HDAC4: variants seen among roughly 807,000 people sequenced by gnomAD.
HDAC4 encodes histone deacetylase A.
In HDAC4, 16 loss-of-function variants were observed where a neutral mutation model predicts 135.1. The observed-to-expected ratio is 0.12, with a 90% CI of 0.08 to 0.18. HDAC4 has a LOEUF of 0.18. HDAC4 is among the 10% of genes least tolerant of loss of function. HDAC4 has a pLI of 1.00. For synonymous variants in HDAC4, 685 were observed against 653.4 expected, an observed-to-expected ratio of 1.05 and a Z score of -0.74; for missense variants, 1,143 against 1,511.8, an observed-to-expected ratio of 0.76 and a Z score of 4.05.
At chr2:239,373,834 C>T (rs372317819) in intron 1 of HDAC4, among the ~76,000 whole-genome samples, 4 of 152,106 alleles carry the variant, frequency 2.6e-5, no homozygotes, top group African/African-American at 4.8e-5. Context: ...CATCTTTGTC[C>T]GCTTCTAGAG....
chr2:239,246,689 G>A (rs944650872), intron 2 of HDAC4, among the ~76,000 whole-genome samples: 1 of 152,258 alleles, frequency 6.6e-6, no homozygotes, highest in African/African-American at 2.4e-5. Flanking sequence ...GGCATGGCCA[G>A]GCTGCTTCCT....
chr2:239,371,531 C>A (rs1694616747), intron 1 of HDAC4, among the ~76,000 whole-genome samples: 1 of 152,016 alleles, frequency 6.6e-6, no homozygotes, highest in Admixed American at 6.6e-5. Context: ...TTAAACACAC[C>A]CGATCACATT....
intron 2 of HDAC4, among the ~76,000 whole-genome samples, chr2:239,278,730 T>C (rs1410882226): frequency 1.3e-5 from 2 of 152,356 alleles, no homozygotes; most frequent in East Asian, 3.9e-4. Flanking sequence ...CCGAAGGCTG[T>C]GGTTTGCTTT....
intron 2 of HDAC4, among the ~76,000 whole-genome samples, chr2:239,275,613 TGCACGGTCTGTGTGTGTGCGGGTG>T (rs2050312065): frequency 6.6e-6 from 1 of 152,114 alleles, no homozygotes; most frequent in Non-Finnish European, 1.5e-5. Flanking sequence ...CGCCCCTGCC[TGCACGGTCTGTGTGTGTGCGGGTG>T]GCACACCTGG....
intron 1 of HDAC4, among the ~76,000 whole-genome samples, chr2:239,374,050 A>G (rs995933746): frequency 2.6e-4 from 40 of 152,344 alleles, no homozygotes; most frequent in African/African-American, 9.4e-4. Context: ...CGGAAGACAC[A>G]GAGGTAATTC....
chr2:239,265,940 T>G (rs1396129625), intron 2 of HDAC4, among the ~76,000 whole-genome samples: 1 of 152,046 alleles, frequency 6.6e-6, no homozygotes, highest in Non-Finnish European at 1.5e-5. Flanking sequence ...TGGGATGAGG[T>G]GAGGCCAAAG....
intron 1 of HDAC4, among the ~76,000 whole-genome samples, chr2:239,363,358 G>A (rs1405088586): frequency 6.6e-6 from 1 of 152,140 alleles, no homozygotes; most frequent in Non-Finnish European, 1.5e-5. Flanking sequence ...ACAAGCTTGG[G>A]GGACTCACAC....
rs1033242962 is a variant in HDAC4, at chr2:239,122,380, G to A, written c.1533+4076C>T. On this transcript the variant is annotated intron_variant, in intron 12 of 26. Transcript: ENST00000543185. ...CCTGGACACACATCACCCACTGCTC[G>A]CAAACCAGACATAACTGAGGCCAAG... Among the ~76,000 whole-genome samples, 20 of 152,262 alleles carry A rather than the reference G, an allele frequency of 1.3e-4. 1 individual carries two copies. Among genetic ancestry groups the A allele is most frequent in the South Asian group, 6.2e-4 (3 of 4,826 alleles).
chr2:239,365,787 A>T (rs111631923), intron 1 of HDAC4, among the ~76,000 whole-genome samples: 1 of 150,004 alleles, frequency 6.7e-6, no homozygotes, highest in African/African-American at 2.5e-5. Context: ...GCATGCACAG[A>T]CCAGGGTCGT....
At chr2:239,058,309 CGAGAAAA>C (rs1484961402) in intron 24 of HDAC4, among the ~76,000 whole-genome samples, 3 of 151,708 alleles carry the variant, frequency 2.0e-5, no homozygotes, top group East Asian at 1.9e-4. Flanking sequence ...CAAGAGAAGG[CGAGAAAA>C]GAGAAAAAGG....
At chr2:239,112,423 A>C (rs1430580740) in intron 13 of HDAC4, among the ~76,000 whole-genome samples, 1 of 152,158 alleles carries the variant, frequency 6.6e-6, no homozygotes. Flanking sequence ...CACATCCCAC[A>C]CACCCTCGTG....
chr2:239,200,873 C>A (rs573970647), intron 3 of HDAC4, among the ~76,000 whole-genome samples: 3 of 152,036 alleles, frequency 2.0e-5, no homozygotes, highest in Non-Finnish European at 4.4e-5. Context: ...GATGGCACTG[C>A]GCTTTAGCCT....
At chr2:239,140,425 C>T (rs556704230) in intron 8 of HDAC4, among the ~76,000 whole-genome samples, 45 of 152,264 alleles carry the variant, frequency 3.0e-4, no homozygotes, top group Middle Eastern at 3.4e-3. Flanking sequence ...AAAGGGGCCA[C>T]GTCCAATCCA....
At chr2:239,392,190 A>C (rs1355329974) in intron 1 of HDAC4, among the ~76,000 whole-genome samples, 7 of 152,242 alleles carry the variant, frequency 4.6e-5, no homozygotes, top group Non-Finnish European at 1.0e-4. Flanking sequence ...CCCAGCCAGC[A>C]ACCGAGCTAC....
chr2:239,389,071 T>C (rs1039204652), intron 1 of HDAC4, among the ~76,000 whole-genome samples: 2 of 152,170 alleles, frequency 1.3e-5, no homozygotes, highest in African/African-American at 2.4e-5. Flanking sequence ...AATTTTTCTG[T>C]CTAGCTAGAG....
intron 2 of HDAC4, among the ~76,000 whole-genome samples, chr2:239,246,835 T>C (rs2048492032): frequency 6.6e-6 from 1 of 152,194 alleles, no homozygotes; most frequent in Admixed American, 6.5e-5. Context: ...AACAGCACCA[T>C]CTCTGCTCCT....
chr2:239,353,902 C>T (rs55932933), intron 1 of HDAC4, among the ~76,000 whole-genome samples: 34,511 of 152,182 alleles, frequency 0.23, 5,981 homozygotes, highest in East Asian at 0.79. Flanking sequence ...TGTGTAATCA[C>T]AGAATTTAAT....
chr2:239,276,518 T>C (rs2050374327), intron 2 of HDAC4, among the ~76,000 whole-genome samples: 1 of 152,234 alleles, frequency 6.6e-6, no homozygotes, highest in Non-Finnish European at 1.5e-5. Context: ...GTGCTGTTCC[T>C]GAAACGGCTT....
At chr2:239,210,993 G>C (rs1191018481) in intron 3 of HDAC4, among the ~76,000 whole-genome samples, 1 of 152,150 alleles carries the variant, frequency 6.6e-6, no homozygotes, top group Non-Finnish European at 1.5e-5. Context: ...CTTTACACAT[G>C]CCATCCTAAA....
Sources: gnomAD v4.1 joint callset for allele counts (sites outside exome capture counted in the v4.1 genomes callset) on GRCh38, gnomAD v4.1.1 for gene constraint, MANE v1.5 for transcripts, NCBI Gene and HGNC (gene_info 2026-07-23, HGNC 2026-07-21) for gene names.